Variants in GPR158 observed in about 807,000 individuals in gnomAD.
GPR158 encodes the protein metabotropic glycine receptor.
Under a neutral mutation model 78.2 loss-of-function variants are expected in GPR158, and 30 were observed. That is an observed-to-expected ratio of 0.38 (90% CI 0.29 to 0.52). GPR158 has a LOEUF of 0.52. Ranked by LOEUF, GPR158 falls within the 20% of genes least tolerant of loss-of-function variation. GPR158 has a pLI of 0.83. For synonymous variants in GPR158, 581 were observed against 591.1 expected, an observed-to-expected ratio of 0.98 and a Z score of 0.25; for missense variants, 1,463 against 1,523.5, an observed-to-expected ratio of 0.96 and a Z score of 0.66.
intron 5 of GPR158, among the ~76,000 whole-genome samples, chr10:25,541,653 A>G (rs568034650): frequency 6.6e-6 from 1 of 152,042 alleles, no homozygotes; most frequent in Non-Finnish European, 1.5e-5. Context: ...AAGGCCCATA[A>G]AAGATGATCC....
Position 25,385,148 on chromosome 10 carries a change from C to G in GPR158, c.1009-10763C>G, listed in dbSNP as rs568289045. On this transcript the variant is annotated intron_variant, in intron 2 of 10. Transcript: ENST00000376351. ...TCCCTTGCCCCTAACCCTTGGAAAA[C>G]ACCGTTCCACTTTCTATTTCTATGA... 2.0e-5 allele frequency among the ~76,000 whole-genome samples: 3 copies of G among 152,146 alleles called. No homozygotes were observed. The East Asian group carries it at 5.8e-4, about 29-fold the overall frequency.
At position 25,589,048 on chromosome 10, in the gene GPR158, G is replaced by A. The variant is rs1564498950; in HGVS notation, c.1795G>A (p.Ala599Thr). The A allele has an allele frequency of 6.2e-7, 1 of 1,608,884 alleles. No individual in the cohort carries two copies. The highest frequency in any genetic ancestry group is 2.2e-5 in the East Asian group (1 of 44,842). ...CTTGTGGGGTGTTTATCTCTGCTAT[G>A]CAGTGCGGACAGTCCCATCGGCATT... ...FLLWGVYLCYAVRTVPSAFHE... is the reference protein window; with the variant it reads ...FLLWGVYLCYTVRTVPSAFHE... Residue 599 changes from alanine (A) to threonine (T), a missense_variant, in exon 8 of 11, where the codon GCA becomes ACA. Physicochemically the swap from Ala to Thr is moderately conservative, Grantham distance 58. Transcript: ENST00000376351.
intron 4 of GPR158, among the ~76,000 whole-genome samples, chr10:25,423,682 G>T (rs985263057): frequency 6.6e-6 from 1 of 152,056 alleles, no homozygotes; most frequent in Non-Finnish European, 1.5e-5. Flanking sequence ...ATGGTTTCCA[G>T]CTTCATCCAT....
At chr10:25,297,163 C>G (rs1191138834) in intron 2 of GPR158, among the ~76,000 whole-genome samples, 1 of 152,166 alleles carries the variant, frequency 6.6e-6, no homozygotes, top group African/African-American at 2.4e-5. Flanking sequence ...CAGAAGAACT[C>G]TTTACCAAGA....
intron 2 of GPR158, among the ~76,000 whole-genome samples, chr10:25,332,627 T>G (rs1855142603): frequency 6.6e-6 from 1 of 152,178 alleles, no homozygotes; most frequent in Admixed American, 6.5e-5. Context: ...CTGGAGAAAC[T>G]TAGCCATACT....
chr10:25,281,827 A>G (rs1353583572), intron 2 of GPR158, among the ~76,000 whole-genome samples: 1 of 152,192 alleles, frequency 6.6e-6, no homozygotes, highest in African/African-American at 2.4e-5. Context: ...ATCTCAAGTT[A>G]GATTTAAAAA....
At chr10:25,597,732 T>C (rs1465778783) in intron 10 of GPR158, 40 bp from the exon 11 acceptor site, 1 of 1,462,736 alleles carries the variant, frequency 6.8e-7, no homozygotes, top group Non-Finnish European at 9.1e-7. Context: ...ACTGGAACAC[T>C]AAATTCTACA....
At chr10:25,475,665 A>C (rs1044954913) in intron 5 of GPR158, 1 of 152,150 alleles carries the variant, frequency 6.6e-6, no homozygotes, top group African/African-American at 2.4e-5. Flanking sequence ...TAGCCAAAAA[A>C]TCTAATAATT....
At chr10:25,246,950 C>A (rs1853700328) in intron 2 of GPR158, among the ~76,000 whole-genome samples, 1 of 152,186 alleles carries the variant, frequency 6.6e-6, no homozygotes, top group Non-Finnish European at 1.5e-5. Context: ...AGGTATTAAT[C>A]TAAATTAACA....
Position 25,254,908 on chromosome 10 carries a change from T to C in GPR158, c.1008+33751T>C, listed in dbSNP as rs565902911. Among the ~76,000 whole-genome samples, 4 of 152,312 alleles carry C rather than the reference T, an allele frequency of 2.6e-5. No homozygotes were observed. In the South Asian group the frequency reaches 8.3e-4, roughly 32 times the overall value. On this transcript the variant is annotated intron_variant, in intron 2 of 10. Coordinates refer to ENST00000376351, the MANE Select transcript of GPR158 (RefSeq NM_020752.3). ...GAGTTAGTTGATTTGGAGGCTCAGCTCAGTTAATTTCAATACTCAGACCTT... is the reference window on the plus strand; with the variant it reads ...GAGTTAGTTGATTTGGAGGCTCAGCCCAGTTAATTTCAATACTCAGACCTT...
chr10:25,341,008 A>G (rs67567287), intron 2 of GPR158, among the ~76,000 whole-genome samples: 6,349 of 152,128 alleles, frequency 0.042, 137 homozygotes, highest in African/African-American at 0.05. Context: ...TAAGAGTGAA[A>G]GTTGACTTTC....
At chr10:25,291,994 A>G (rs908932899) in intron 2 of GPR158, among the ~76,000 whole-genome samples, 7 of 152,124 alleles carry the variant, frequency 4.6e-5, no homozygotes, top group Non-Finnish European at 8.8e-5. Context: ...AGTTTACTCA[A>G]AAAATGTAGA....
chr10:25,426,448 C>A (rs181627437), intron 4 of GPR158, among the ~76,000 whole-genome samples: 107 of 152,180 alleles, frequency 7.0e-4, no homozygotes, highest in African/African-American at 2.5e-3. Context: ...TCATTTCTAG[C>A]TTTTGATTTG....
chr10:25,281,287 G>T (rs1415145856), intron 2 of GPR158, among the ~76,000 whole-genome samples: 1 of 151,516 alleles, frequency 6.6e-6, no homozygotes, highest in Non-Finnish European at 1.5e-5. Flanking sequence ...AGTTAGGCTG[G>T]ATGGGGTGGC....
At chr10:25,409,845 T>G (rs528590154) in intron 3 of GPR158, among the ~76,000 whole-genome samples, 3 of 152,334 alleles carry the variant, frequency 2.0e-5, no homozygotes, top group African/African-American at 7.2e-5. Flanking sequence ...TAATTATTCC[T>G]ATCAACCATG....
At chr10:25,329,439 CAA>C (rs57202909) in intron 2 of GPR158, among the ~76,000 whole-genome samples, 4 of 131,058 alleles carry the variant, frequency 3.1e-5, no homozygotes, top group South Asian at 2.4e-4. Context: ...GACTCCGTTT[CAA>C]AAAAAAAAAA....
intron 2 of GPR158, among the ~76,000 whole-genome samples, chr10:25,309,617 C>T (rs1854734648): frequency 6.6e-6 from 1 of 152,060 alleles, no homozygotes; most frequent in African/African-American, 2.4e-5. Flanking sequence ...TGTGTCCCCA[C>T]CCAAATCTAA....
At chr10:25,296,053 G>GAAAA (rs71399958) in intron 2 of GPR158, among the ~76,000 whole-genome samples, 18 of 138,420 alleles carry the variant, frequency 1.3e-4, no homozygotes, top group Non-Finnish European at 1.4e-4. Flanking sequence ...GGGCAGGGAG[G>GAAAA]AAAAAAAAAA....
chr10:25,346,124 T>C lies in GPR158; in HGVS notation c.1009-49787T>C, dbSNP rs183996081. 3.2e-3 allele frequency among the ~76,000 whole-genome samples: 480 copies of C among 152,090 alleles called. 3 individuals carry two copies. Among genetic ancestry groups the C allele is most frequent in the South Asian group, 0.011 (52 of 4,820 alleles). On this transcript the variant is annotated intron_variant, in intron 2 of 10. Coordinates refer to ENST00000376351, the MANE Select transcript of GPR158 (RefSeq NM_020752.3). ...CAAGGCTGCTCTTATATATCTCATATATAATGAGAATTTCCTTTCTATTAA... is the reference window on the plus strand; with the variant it reads ...CAAGGCTGCTCTTATATATCTCATACATAATGAGAATTTCCTTTCTATTAA...
Sources: allele counts gnomAD v4.1 joint callset (sites outside exome capture counted in the v4.1 genomes callset), GRCh38; gene constraint gnomAD v4.1.1; transcripts MANE v1.5; gene names NCBI Gene and HGNC (gene_info 2026-07-23, HGNC 2026-07-21).